The following ZC3H11A variants were observed in gnomAD, a reference collection of about 807,000 sequenced individuals.
ZC3H11A encodes zinc finger CCCH-type containing 11A.
ZC3H11A carries 22 observed loss-of-function variants against 90.8 expected under a neutral mutation model. The observed-to-expected ratio is 0.24, with a 90% CI of 0.17 to 0.35. The LOEUF (loss-of-function observed/expected upper bound fraction) is 0.35, where lower values mean the gene tolerates loss of function less well. Among genes scored for constraint, ZC3H11A ranks in the 10% least tolerant of loss-of-function variants. ZC3H11A has a pLI of 1.00. For missense variants in ZC3H11A, 701 were observed against 964.9 expected, an observed-to-expected ratio of 0.73 and a Z score of 3.62; for synonymous variants, 294 against 339.8, an observed-to-expected ratio of 0.87 and a Z score of 1.48.
chr1:203,833,618 G>GTTTTTTTTTTTTT (rs553171669), intron 9 of ZC3H11A, among the ~76,000 whole-genome samples, 173 bp from the exon 10 acceptor site: 7 of 124,830 alleles, frequency 5.6e-5, no homozygotes, highest in Non-Finnish European at 9.9e-5. Flanking sequence ...ATAGGTTTGG[G>GTTTTTTTTTTTTT]TTTTTTTTTT....
chr1:203,798,083 C>T, intron 1 of ZC3H11A: 2 of 1,536,082 alleles, frequency 1.3e-6, no homozygotes, highest in Non-Finnish European at 1.7e-6. Context: ...GGACCAGGGC[C>T]AACAAGTTTG....
At chr1:203,846,351 GT>G (rs1558142917) in intron 12 of ZC3H11A, among the ~76,000 whole-genome samples, 1 of 152,106 alleles carries the variant, frequency 6.6e-6, no homozygotes, top group African/African-American at 2.4e-5. Context: ...AACGATTAAT[GT>G]ATCATTGAAA....
chr1:203,853,571 G>A lies in ZC3H11A; in HGVS notation c.*1172G>A, dbSNP rs1320156711. ...TGTTGTATATAATCAGGAGGAAGAG[G>A]AAGGAAGGACTTACCCATTTTGATA... On this transcript the variant is annotated 3_prime_UTR_variant, in exon 18 of 18. Coordinates refer to ENST00000367210, the MANE Select transcript of ZC3H11A (RefSeq NM_001376342.1). The A allele has an allele frequency of 1.4e-4, 22 of 152,712 alleles. No individual in the cohort carries two copies. In the East Asian group the frequency reaches 4.1e-3, roughly 28 times the overall value. The allele number at this position is 152,712 out of a possible 1,614,324, so 9.5% of individuals were successfully genotyped here. A position where few individuals can be genotyped will look rare whatever the true frequency, so the allele number is the denominator to read the frequency against.
chr1:203,822,048 T>C (rs561442262), intron 4 of ZC3H11A, among the ~76,000 whole-genome samples: 80 of 152,114 alleles, frequency 5.3e-4, no homozygotes, highest in Admixed American at 1.0e-3. Flanking sequence ...TGAGCCACCG[T>C]GCCTGGCCCT....
At chr1:203,814,157 C>T (rs573702425) in intron 2 of ZC3H11A, among the ~76,000 whole-genome samples, 1 of 152,240 alleles carries the variant, frequency 6.6e-6, no homozygotes, top group Admixed American at 6.5e-5. Context: ...AGCTAAAACC[C>T]AAGTTCATTG....
At chr1:203,844,662 G>A (rs1265907645) in intron 12 of ZC3H11A, among the ~76,000 whole-genome samples, 2 of 152,108 alleles carry the variant, frequency 1.3e-5, no homozygotes, top group African/African-American at 4.8e-5. Context: ...TCTCCTGACT[G>A]GGAGACTCCA....
intron 10 of ZC3H11A, among the ~76,000 whole-genome samples, chr1:203,837,439 C>A (rs1197948157): frequency 2.0e-5 from 3 of 149,768 alleles, no homozygotes; most frequent in Non-Finnish European, 3.0e-5. Flanking sequence ...ATTTTTTGTT[C>A]TTTCCCTTGT....
chr1:203,807,787 A>G (rs1323674479), intron 2 of ZC3H11A, among the ~76,000 whole-genome samples: 1 of 151,782 alleles, frequency 6.6e-6, no homozygotes, highest in Non-Finnish European at 1.5e-5. Flanking sequence ...TGTTGCGCAG[A>G]CCAGAGTGCA....
chr1:203,829,986 T>A lies in ZC3H11A; in HGVS notation c.619+90T>A, dbSNP rs1032453797. ...CAATCATTGACCTCCCTCTTCTTTT[T>A]CCCATGCTACACGCATACTTACCTA... On this transcript the variant is annotated intron_variant, in intron 7 of 17. Transcript: ENST00000367210. The A allele has an allele frequency of 2.2e-6, 3 of 1,394,628 alleles. No homozygotes were observed. In the African/African-American group the frequency reaches 4.3e-5, roughly 20 times the overall value. The allele number at this position is 1,394,628 out of a possible 1,614,324, so 86.4% of individuals were successfully genotyped here.
chr1:203,852,459 T>C lies in ZC3H11A; in HGVS notation c.*60T>C. ...CCAAAAAACTGGACTTAGTTTCATC[T>C]ATTGTAACATTTACCTGAGATGATC... On this transcript the variant is annotated 3_prime_UTR_variant, in exon 18 of 18. Transcript: ENST00000367210. 3 of 1,574,466 alleles carry C rather than the reference T, an allele frequency of 1.9e-6. No homozygotes were observed. The highest frequency in any genetic ancestry group is 2.6e-6 in the Non-Finnish European group (3 of 1,157,886).
chr1:203,822,480 A>T (rs1679105962), intron 4 of ZC3H11A, among the ~76,000 whole-genome samples: 2 of 152,000 alleles, frequency 1.3e-5, no homozygotes, highest in South Asian at 4.1e-4. Flanking sequence ...TTGGGCTGTG[A>T]TACTTTGTGC....
rs1359524193 is a variant in ZC3H11A at position 203,840,513 on chromosome 1, G to A, written c.1042+139G>A. On this transcript the variant is annotated intron_variant, in intron 12 of 17. Coordinates refer to ENST00000367210, the MANE Select transcript of ZC3H11A (RefSeq NM_001376342.1). ...AGTTCTGTTTGTTTTTTAAGTAATT[G>A]ATCAAGTCAGCTCAGACTCAACTGG... The A allele has an allele frequency of 5.2e-6, 4 of 771,148 alleles. No individual in the cohort carries two copies. In the African/African-American group the frequency reaches 7.1e-5, roughly 14 times the overall value. 47.8% of individuals were successfully genotyped at this position (771,148 alleles called of 1,614,324 possible).
intron 2 of ZC3H11A, among the ~76,000 whole-genome samples, chr1:203,809,555 AAAT>A (rs1404902136): frequency 6.6e-6 from 1 of 152,158 alleles, no homozygotes; most frequent in African/African-American, 2.4e-5. Context: ...GAAGATTTTA[AAAT>A]AATATGTCCT....
chr1:203,829,663 T>C lies in ZC3H11A; in HGVS notation c.502+9T>C. ...TGATGAAGATGATGATGGTAAGTTC[T>C]GTCTGGCTCCTTCTTTAAGGCAAAT... On this transcript the variant is annotated intron_variant, in intron 6 of 17. Coordinates refer to ENST00000367210, the MANE Select transcript of ZC3H11A (RefSeq NM_001376342.1). 6.2e-7 allele frequency: 1 copy of C among 1,614,238 alleles called. No homozygotes were observed. Among genetic ancestry groups the C allele is most frequent in the Non-Finnish European group, 8.5e-7 (1 of 1,180,032 alleles).
chr1:203,831,481 A>G (rs1682338221), intron 8 of ZC3H11A, among the ~76,000 whole-genome samples, 180 bp from the exon 9 acceptor site: 1 of 152,214 alleles, frequency 6.6e-6, no homozygotes, highest in Non-Finnish European at 1.5e-5. Flanking sequence ...CATCATGCCC[A>G]AGGCTCCCCT....
At chr1:203,830,929 T>TATTTTA (rs1170842803) in intron 8 of ZC3H11A, among the ~76,000 whole-genome samples, 3 of 74,148 alleles carry the variant, frequency 4.0e-5, no homozygotes, top group African/African-American at 2.2e-4. Context: ...CCCCCAATTT[T>TATTTTA]TTTTTTTTTT....
chr1:203,801,977 C>T lies in ZC3H11A; in HGVS notation c.-1185C>T, dbSNP rs1311208683. ...AGAATTTGGACCTAGGCTGCGTAAG[C>T]AAGCCTTTCCAGGGCCACTATTTAA... is the stretch of plus-strand genomic sequence containing the variant. On this transcript the variant is annotated 5_prime_UTR_variant, in exon 2 of 18. Coordinates refer to ENST00000367210, the MANE Select transcript of ZC3H11A (RefSeq NM_001376342.1). The T allele has an allele frequency of 3.9e-5, 6 of 152,630 alleles. No homozygotes were observed. Among genetic ancestry groups the T allele is most frequent in the Non-Finnish European group, 5.9e-5 (4 of 68,030 alleles). 9.5% of individuals were successfully genotyped at this position (152,630 alleles called of 1,614,324 possible).
chr1:203,851,041 ACT>A lies in ZC3H11A; in HGVS notation c.2107-13_2107-12del. The stretch of plus-strand genomic sequence containing the variant: ...AGCCTGACTCTCACTGAATTACCTG[ACT>A]CTTCCTTTTGTAGGCTGTTGTCCCG... On this transcript the variant is annotated splice_polypyrimidine_tract_variant and intron_variant, in intron 16 of 17. Transcript: ENST00000367210. The A allele has an allele frequency of 6.2e-7, 1 of 1,613,426 alleles. No individual in the cohort carries two copies. The highest frequency in any genetic ancestry group is 8.5e-7 in the Non-Finnish European group (1 of 1,179,806).
intron 11 of ZC3H11A, among the ~76,000 whole-genome samples, chr1:203,839,204 A>G (rs1685314974): frequency 6.6e-6 from 1 of 152,062 alleles, no homozygotes; most frequent in Non-Finnish European, 1.5e-5. Flanking sequence ...TGGGAGTTAG[A>G]TTTTTGTTTT....
Sources: gnomAD v4.1 joint callset for allele counts (sites outside exome capture counted in the v4.1 genomes callset) on GRCh38, gnomAD v4.1.1 for gene constraint, MANE v1.5 for transcripts, NCBI Gene and HGNC (gene_info 2026-07-23, HGNC 2026-07-21) for gene names.